Variants in SEMA6A observed in about 807,000 individuals in gnomAD.
The protein encoded by SEMA6A is semaphorin-6A.
Under a neutral mutation model 96.8 loss-of-function variants are expected in SEMA6A, and 25 were observed. The ratio of observed to expected loss-of-function variants is 0.26; its 90% CI spans 0.19 to 0.36. The LOEUF is 0.36. SEMA6A is among the 10% of genes least tolerant of loss of function. The probability of loss-of-function intolerance (pLI) is 1.00; values close to 1 mark genes in which losing one functional copy is unlikely to be tolerated. For missense variants in SEMA6A, 1,363 were observed against 1,323.1 expected, an observed-to-expected ratio of 1.03 and a Z score of -0.47; for synonymous variants, 612 against 518.0, an observed-to-expected ratio of 1.18 and a Z score of -2.46.
intron 1 of SEMA6A, among the ~76,000 whole-genome samples, chr5:116,512,322 AATAGCTCC>A (rs1340650487): frequency 3.9e-5 from 6 of 152,180 alleles, no homozygotes; most frequent in Non-Finnish European, 7.3e-5. Flanking sequence ...AAATGAGAAA[AATAGCTCC>A]AGCCTCTTAA....
chr5:116,521,731 AGAACTCAAATG>A (rs1482292459), intron 1 of SEMA6A, among the ~76,000 whole-genome samples: 1 of 152,250 alleles, frequency 6.6e-6, no homozygotes, highest in Non-Finnish European at 1.5e-5. Context: ...GGCGTAAAAC[AGAACTCAAATG>A]AGAGAATGTG....
intron 18 of SEMA6A, among the ~76,000 whole-genome samples, chr5:116,467,056 T>TCC (rs1034545738): frequency 3.9e-5 from 6 of 152,152 alleles, no homozygotes; most frequent in African/African-American, 1.4e-4. Flanking sequence ...TTAGCTACTA[T>TCC]CCTCTAAGGG....
Position 116,446,845 on chromosome 5 carries a change from C to T in SEMA6A, c.2861G>A (p.Gly954Asp), listed in dbSNP as rs1367384378. Reference sequence around the variant, plus strand: ...GGCGGGCGGCGGGTTGTCTCCCCTGCCAAAGCTCTGGTTTCTGGAGAGGTG... The same window carrying T: ...GGCGGGCGGCGGGTTGTCTCCCCTGTCAAAGCTCTGGTTTCTGGAGAGGTG... ...SSHLSRNQSF[G>D]RGDNPPPAPQ... Residue 954 changes from glycine to aspartate, a missense_variant, in exon 19 of 19, where the codon GGC (glycine) becomes GAC (aspartate). This residue lies in a region of SEMA6A where 883 missense variants were observed against 763.6 expected (regional missense o/e 1.16). Coordinates refer to ENST00000343348, the MANE Select transcript of SEMA6A (RefSeq NM_020796.5). 1 of 1,613,806 alleles carries T rather than the reference C, an allele frequency of 6.2e-7. No individual in the cohort carries two copies. Among genetic ancestry groups the T allele is most frequent in the African/African-American group, 1.3e-5 (1 of 74,900 alleles).
chr5:116,472,788 G>T, intron 17 of SEMA6A: 1 of 919,020 alleles, frequency 1.1e-6, no homozygotes, highest in South Asian at 2.0e-5. Flanking sequence ...AAGTAACAAA[G>T]AATCTGGTCC....
At chr5:116,543,078 T>C (rs946792136) in intron 1 of SEMA6A, among the ~76,000 whole-genome samples, 1 of 152,234 alleles carries the variant, frequency 6.6e-6, no homozygotes, top group African/African-American at 2.4e-5. Flanking sequence ...ATAGTAGCTT[T>C]TCTCTTTCAA....
Position 116,495,346 on chromosome 5 carries a change from G to A in SEMA6A, c.444+67C>T, listed in dbSNP as rs1301773658. 2.5e-6 allele frequency: 3 copies of A among 1,177,286 alleles called. No homozygotes were observed. In the African/African-American group the frequency reaches 4.6e-5, roughly 18 times the overall value. The allele number at this position is 1,177,286 out of a possible 1,614,324, so 72.9% of individuals were successfully genotyped here. On this transcript the variant is annotated intron_variant, in intron 6 of 18. Coordinates refer to ENST00000343348, the MANE Select transcript of SEMA6A (RefSeq NM_020796.5). ...GAATTACCCCTCTTAGGTTGCTGCA[G>A]GTACAATCACAGTAAATTATGAAAT...
rs571722332 is a variant in SEMA6A, at chr5:116,489,524, C to A, written c.536-517G>T. ...AAGCAAAAACGGGCTGACTAAATTG[C>A]TACTGTCCTGAGAGTAACAGCTCCT... On this transcript the variant is annotated intron_variant, in intron 7 of 18. Transcript: ENST00000343348. Among the ~76,000 whole-genome samples the A allele has an allele frequency of 5.3e-5, 8 of 152,338 alleles. No homozygotes were observed. In the South Asian group the frequency reaches 1.7e-3, roughly 32 times the overall value.
intron 1 of SEMA6A, among the ~76,000 whole-genome samples, chr5:116,523,802 C>T (rs1239588363): frequency 1.3e-5 from 2 of 152,040 alleles, no homozygotes; most frequent in Non-Finnish European, 2.9e-5. Context: ...TTTAGTAGAA[C>T]CCCAGGTGAT....
Position 116,488,337 on chromosome 5 carries a change from T to G in SEMA6A, c.656-141A>C, listed in dbSNP as rs150490933. The G allele has an allele frequency of 7.3e-4, 424 of 583,754 alleles. 3 individuals carry two copies. In the African/African-American group the frequency reaches 7.3e-3, roughly 10 times the overall value. The allele number at this position is 583,754 out of a possible 1,614,324, so 36.2% of individuals were successfully genotyped here. On this transcript the variant is annotated intron_variant, in intron 8 of 18. Transcript: ENST00000343348. Reference sequence around the variant, plus strand: ...GTTAACACTAACCATTTCAAATGACTTCACACATGCAAGTGCTGGTGATTT... The same window carrying G: ...GTTAACACTAACCATTTCAAATGACGTCACACATGCAAGTGCTGGTGATTT...
chr5:116,560,777 T>A (rs57211563), intron 1 of SEMA6A, among the ~76,000 whole-genome samples: 4,557 of 152,048 alleles, frequency 0.03, 214 homozygotes, highest in African/African-American at 0.1. Flanking sequence ...TTAGGGTGAT[T>A]TTGACTCAAG....
At chr5:116,529,378 A>C (rs1759365463) in intron 1 of SEMA6A, among the ~76,000 whole-genome samples, 1 of 152,160 alleles carries the variant, frequency 6.6e-6, no homozygotes, top group Non-Finnish European at 1.5e-5. Context: ...TATATTTTCA[A>C]ACAGCTAGAA....
intron 18 of SEMA6A, among the ~76,000 whole-genome samples, chr5:116,465,816 GTTTTA>G (rs943074240): frequency 3.9e-5 from 6 of 152,072 alleles, no homozygotes; most frequent in African/African-American, 9.7e-5. Context: ...TGGAAAGGCT[GTTTTA>G]TTTTGTTTCA....
At chr5:116,470,560 A>G (rs909697315) in intron 17 of SEMA6A, among the ~76,000 whole-genome samples, 2 of 152,214 alleles carry the variant, frequency 1.3e-5, no homozygotes, top group African/African-American at 4.8e-5. Flanking sequence ...CCTATTAACA[A>G]TGTTTGTAGA....
intron 1 of SEMA6A, among the ~76,000 whole-genome samples, chr5:116,505,714 T>A (rs937405217): frequency 2.6e-5 from 4 of 152,218 alleles, no homozygotes; most frequent in Non-Finnish European, 5.9e-5. Context: ...TATCTCTATA[T>A]ATTTTGGTCT....
chr5:116,453,833 C>G (rs991480207), intron 18 of SEMA6A, among the ~76,000 whole-genome samples: 1 of 152,128 alleles, frequency 6.6e-6, no homozygotes, highest in Non-Finnish European at 1.5e-5. Context: ...ATGCCCTGCA[C>G]CTTACACAAA....
intron 7 of SEMA6A, among the ~76,000 whole-genome samples, chr5:116,489,648 C>T (rs1337527741): frequency 1.3e-5 from 2 of 152,178 alleles, no homozygotes; most frequent in Non-Finnish European, 2.9e-5. Context: ...AAAAACATTC[C>T]GAAACACAGC....
intron 1 of SEMA6A, among the ~76,000 whole-genome samples, chr5:116,527,611 A>C (rs181807837): frequency 5.2e-4 from 79 of 152,344 alleles, no homozygotes; most frequent in Non-Finnish European, 6.0e-4. Context: ...GAAGTCGGTA[A>C]TGTGTACGTT....
chr5:116,572,022 C>G (rs1761235514), intron 1 of SEMA6A, among the ~76,000 whole-genome samples: 1 of 152,178 alleles, frequency 6.6e-6, no homozygotes. Flanking sequence ...CAAGATGTGT[C>G]CACCAGGGGA....
Position 116,523,525 on chromosome 5 carries a change from C to T in SEMA6A, c.-38-18543G>A, listed in dbSNP as rs550224293. Among the ~76,000 whole-genome samples, 131 of 152,086 alleles carry T rather than the reference C, an allele frequency of 8.6e-4. 1 individual carries two copies. The highest frequency in any genetic ancestry group is 4.8e-5 in the African/African-American group (2 of 41,494). On this transcript the variant is annotated intron_variant, in intron 1 of 18. Coordinates refer to ENST00000343348, the MANE Select transcript of SEMA6A (RefSeq NM_020796.5). ...CGGGATTTCATCATGTTGCCGAGGC[C>T]GGTCTCGAACTCCTGGGCTCAAGTG...
Sources: gnomAD v4.1 joint callset for allele counts (sites outside exome capture counted in the v4.1 genomes callset) on GRCh38, gnomAD v4.1.1 for gene constraint, gnomAD v4.1.1 regional missense constraint, MANE v1.5 for transcripts, NCBI Gene and HGNC (gene_info 2026-07-23, HGNC 2026-07-21) for gene names.